The following RABGAP1 variants were observed in gnomAD, a reference collection of about 807,000 sequenced individuals.
RABGAP1 encodes the protein RAB GTPase activating protein 1, also known as rab GTPase-activating protein 1.
In RABGAP1, 23 loss-of-function variants were observed where a neutral mutation model predicts 137.6. The ratio of observed to expected loss-of-function variants is 0.17; its 90% CI spans 0.12 to 0.24. The LOEUF (loss-of-function observed/expected upper bound fraction) is 0.24. RABGAP1 is among the 10% of genes least tolerant of loss of function. The probability of loss-of-function intolerance (pLI) is 1.00; values close to 1 mark genes in which losing one functional copy is unlikely to be tolerated. For missense variants in RABGAP1, 906 were observed against 1,275.8 expected (o/e 0.71, Z 4.42); for synonymous variants, 451 against 450.7 (o/e 1.00, Z -0.01).
intron 12 of RABGAP1, among the ~76,000 whole-genome samples, chr9:123,017,314 TTTTGTTATCAAGC>T (rs2031305439): frequency 2.0e-5 from 3 of 152,340 alleles, no homozygotes; most frequent in African/African-American, 7.2e-5. Flanking sequence ...TTGGAATTCG[TTTTGTTATCAAGC>T]TTTGTTATTC....
intron 13 of RABGAP1, among the ~76,000 whole-genome samples, chr9:123,057,499 G>T (rs1458213482): frequency 6.6e-6 from 1 of 151,916 alleles, no homozygotes; most frequent in Admixed American, 6.5e-5. Context: ...TGGGATGGCG[G>T]TCGGGAAGAG....
rs554148028 is a variant in RABGAP1 at position 122,948,666 on chromosome 9, G to A, written c.-50+7573G>A. Among the ~76,000 whole-genome samples the A allele has an allele frequency of 5.9e-5, 9 of 152,252 alleles. No individual in the cohort carries two copies. In the South Asian group the frequency reaches 1.9e-3, roughly 32 times the overall value. On this transcript the variant is annotated intron_variant, in intron 1 of 25. Transcript: ENST00000373647. ...TCACTGGTTGAGCAACAAAAATGATGGGGATTGGGAGGGAAGTGGTTAGTG... is the reference window on the plus strand; with the variant it reads ...TCACTGGTTGAGCAACAAAAATGATAGGGATTGGGAGGGAAGTGGTTAGTG...
intron 21 of RABGAP1, among the ~76,000 whole-genome samples, chr9:123,092,346 T>C (rs1311543820): frequency 6.6e-6 from 1 of 152,212 alleles, no homozygotes; most frequent in Non-Finnish European, 1.5e-5. Flanking sequence ...TAATATGAGC[T>C]CCCATTTACT....
chr9:123,004,928 C>T (rs904497513), intron 10 of RABGAP1, among the ~76,000 whole-genome samples: 2 of 151,552 alleles, frequency 1.3e-5, no homozygotes, highest in Admixed American at 1.3e-4. Context: ...TGGTGGTGCA[C>T]ATCCGTAATC....
chr9:122,959,543 T>C (rs75461228), intron 2 of RABGAP1, among the ~76,000 whole-genome samples: 2,757 of 152,200 alleles, frequency 0.018, 96 homozygotes, highest in African/African-American at 0.063. Context: ...TCTGAAAGTG[T>C]TTTAAAGGAA....
intron 2 of RABGAP1, among the ~76,000 whole-genome samples, chr9:122,974,289 C>G (rs1835640632): frequency 1.3e-5 from 2 of 151,772 alleles, no homozygotes; most frequent in African/African-American, 4.8e-5. Context: ...GTGCCCTGTA[C>G]AAACAAGTGA....
intron 2 of RABGAP1, among the ~76,000 whole-genome samples, chr9:122,967,484 A>C (rs1326511266): frequency 3.9e-5 from 6 of 152,336 alleles, no homozygotes; most frequent in African/African-American, 1.4e-4. Context: ...TAGGGAAAAG[A>C]GTCTCCTGTG....
chr9:123,065,163 C>G (rs763419733), intron 13 of RABGAP1, among the ~76,000 whole-genome samples, 185 bp from the exon 14 acceptor site: 2 of 152,024 alleles, frequency 1.3e-5, no homozygotes, highest in Non-Finnish European at 2.9e-5. Context: ...CATCTTTTTT[C>G]CCCCTTTACA....
intron 10 of RABGAP1, among the ~76,000 whole-genome samples, chr9:123,005,563 A>G (rs2030172023): frequency 2.0e-5 from 3 of 152,198 alleles, no homozygotes; most frequent in Admixed American, 2.0e-4. Flanking sequence ...CCTGGGGATC[A>G]TTCCACATCA....
At position 122,957,008 on chromosome 9, in the gene RABGAP1, C is replaced by T; in HGVS notation, c.-49-3C>T. 1 of 1,366,872 alleles carries T rather than the reference C, an allele frequency of 7.3e-7. No homozygotes were observed. The highest frequency in any genetic ancestry group is 9.7e-7 in the Non-Finnish European group (1 of 1,034,258). 84.7% of individuals were successfully genotyped at this position (1,366,872 alleles called of 1,614,324 possible). A position where few individuals can be genotyped will look rare whatever the true frequency, so the allele number is the denominator to read the frequency against. ...GAGTATCTTTATGGTTTTTGTTTTT[C>T]AGGCATTAAAAAATATTTAATCATT... On this transcript the variant is annotated splice_region_variant and splice_polypyrimidine_tract_variant and intron_variant, in intron 1 of 25. Transcript: ENST00000373647.
In RABGAP1 at chr9:123,085,353, A is replaced by G. The variant is rs189339143; in HGVS notation, c.2425-4405A>G. On this transcript the variant is annotated intron_variant, in intron 19 of 25. Coordinates refer to ENST00000373647, the MANE Select transcript of RABGAP1 (RefSeq NM_012197.4). ...TCTGTGCATTCTTTATTGGAGAGGAACCATGGCTCTCAGGAGACTTTCAAA... is the reference window on the plus strand; with the variant it reads ...TCTGTGCATTCTTTATTGGAGAGGAGCCATGGCTCTCAGGAGACTTTCAAA... 2.4e-3 allele frequency among the ~76,000 whole-genome samples: 370 copies of G among 152,308 alleles called. 1 individual carries two copies. Among genetic ancestry groups the G allele is most frequent in the African/African-American group, 8.6e-3 (357 of 41,554 alleles).
At position 123,101,627 on chromosome 9, in the gene RABGAP1, G is replaced by C; in HGVS notation, c.2951G>C (p.Gly984Ala). Residue 984 changes from glycine to alanine, a missense_variant, in exon 25 of 26, where the codon GGC becomes GCC. This residue lies in a region of RABGAP1 where 193 missense variants were observed against 248.1 expected (regional missense o/e 0.78). Coordinates refer to ENST00000373647, the MANE Select transcript of RABGAP1 (RefSeq NM_012197.4). ...EFFNKEGRVK[G>A]ISSTKEVLDE... Reference sequence around the variant, plus strand: ...TTCAACAAAGAAGGGCGTGTAAAAGGCATAAGCTCAACCAAGGAGGTTTTA... The same window carrying C: ...TTCAACAAAGAAGGGCGTGTAAAAGCCATAAGCTCAACCAAGGAGGTTTTA... The C allele has an allele frequency of 6.2e-7, 1 of 1,614,144 alleles. No homozygotes were observed. The highest frequency in any genetic ancestry group is 8.5e-7 in the Non-Finnish European group (1 of 1,180,026).
intron 13 of RABGAP1, among the ~76,000 whole-genome samples, chr9:123,045,650 G>A (rs1322597562): frequency 3.9e-5 from 6 of 152,182 alleles, no homozygotes; most frequent in African/African-American, 9.7e-5. Context: ...TATTATAGGA[G>A]TTGGTTTAAG....
At chr9:122,994,864 C>T (rs1836934120) in intron 6 of RABGAP1, among the ~76,000 whole-genome samples, 1 of 152,156 alleles carries the variant, frequency 6.6e-6, no homozygotes, top group African/African-American at 2.4e-5. Context: ...CATCTGTAAT[C>T]CCAGCACTTG....
chr9:122,988,276 G>C (rs780848654), intron 4 of RABGAP1, among the ~76,000 whole-genome samples: 4 of 152,104 alleles, frequency 2.6e-5, no homozygotes, highest in Non-Finnish European at 5.9e-5. Context: ...AGGTATTTCC[G>C]TGATGAGCAA....
intron 13 of RABGAP1, among the ~76,000 whole-genome samples, chr9:123,036,918 A>T (rs1251754979): frequency 6.6e-6 from 1 of 151,864 alleles, no homozygotes; most frequent in Non-Finnish European, 1.5e-5. Context: ...TGTAGTAGTG[A>T]TGTTTGTTCT....
chr9:122,942,365 T>C (rs1833630153), intron 1 of RABGAP1, among the ~76,000 whole-genome samples: 1 of 152,180 alleles, frequency 6.6e-6, no homozygotes, highest in Non-Finnish European at 1.5e-5. Context: ...AAGACTTAAC[T>C]AGAGCTTACT....
At chr9:122,988,021 C>G in intron 4 of RABGAP1, among the ~76,000 whole-genome samples, 1 of 152,080 alleles carries the variant, frequency 6.6e-6, no homozygotes, top group African/African-American at 2.4e-5. Flanking sequence ...AATTTTTCCC[C>G]TTAAGTATTT....
chr9:123,073,557 T>C lies in RABGAP1; in HGVS notation c.1989T>C (p.Pro663=). ...FLAAVLLLHM[P]EEQAFSVLVK... Reference sequence around the variant, plus strand: ...AACTTGCCTATCTGTTACAGATGCCTGAAGAACAGGCATTCAGTGTTCTGG... The same window carrying C: ...AACTTGCCTATCTGTTACAGATGCCCGAAGAACAGGCATTCAGTGTTCTGG... The change falls in exon 16 of 26, where the codon CCT becomes CCC. Residue 663 remains proline, a synonymous_variant. Coordinates refer to ENST00000373647, the MANE Select transcript of RABGAP1 (RefSeq NM_012197.4). 6.2e-7 allele frequency: 1 copy of C among 1,612,550 alleles called. No individual in the cohort carries two copies. Among genetic ancestry groups the C allele is most frequent in the African/African-American group, 1.3e-5 (1 of 74,940 alleles).
Sources: allele counts gnomAD v4.1 joint callset (sites outside exome capture counted in the v4.1 genomes callset), GRCh38; gene constraint gnomAD v4.1.1; regional missense constraint gnomAD v4.1.1; transcripts MANE v1.5; gene names NCBI Gene and HGNC (gene_info 2026-07-23, HGNC 2026-07-21).